SGMS1: variants seen among roughly 807,000 people sequenced by gnomAD.
SGMS1 encodes sphingomyelin synthase 1, also known as phosphatidylcholine:ceramide cholinephosphotransferase 1.
Under a neutral mutation model 46.2 loss-of-function variants are expected in SGMS1, and 13 were observed. The ratio of observed to expected loss-of-function variants is 0.28; its 90% CI spans 0.18 to 0.45. SGMS1 has a LOEUF of 0.45. Among genes scored for constraint, SGMS1 ranks in the 20% least tolerant of loss-of-function variants. The probability of loss-of-function intolerance (pLI) is 1.00; values close to 1 mark genes in which losing one functional copy is unlikely to be tolerated. For missense variants in SGMS1, 324 were observed against 519.9 expected, an observed-to-expected ratio of 0.62 and a Z score of 3.66; for synonymous variants, 203 against 187.8, an observed-to-expected ratio of 1.08 and a Z score of -0.66.
intron 1 of SGMS1, among the ~76,000 whole-genome samples, chr10:50,615,118 G>C (rs377113853): frequency 6.6e-6 from 1 of 152,190 alleles, no homozygotes; most frequent in African/African-American, 2.4e-5. Flanking sequence ...ATCCAGGAAT[G>C]ACAGAGAATG....
intron 8 of SGMS1, 120 bp from the exon 9 acceptor site, chr10:50,311,535 A>G: frequency 4.0e-6 from 3 of 746,084 alleles, no homozygotes; most frequent in South Asian, 2.2e-5. Flanking sequence ...AATCCCCACC[A>G]GGAAGTTTGC....
At chr10:50,533,977 G>A (rs2983355) in intron 2 of SGMS1, among the ~76,000 whole-genome samples, 1 of 152,106 alleles carries the variant, frequency 6.6e-6, no homozygotes, top group Non-Finnish European at 1.5e-5. Context: ...TTGAGCCCAG[G>A]AGTTCAAGTC....
chr10:50,400,390 T>A (rs1848914916), intron 6 of SGMS1, among the ~76,000 whole-genome samples: 1 of 68,078 alleles, frequency 1.5e-5, no homozygotes, highest in South Asian at 5.0e-4. Context: ...ATAGAACACA[T>A]CCTGGCATAT....
At chr10:50,479,966 C>T (rs1328316864) in intron 3 of SGMS1, among the ~76,000 whole-genome samples, 7 of 152,046 alleles carry the variant, frequency 4.6e-5, no homozygotes, top group Non-Finnish European at 1.0e-4. Flanking sequence ...ATTTAAAGGG[C>T]TCTAATTAGG....
chr10:50,465,890 T>C (rs529532126), intron 4 of SGMS1, among the ~76,000 whole-genome samples: 8 of 150,684 alleles, frequency 5.3e-5, no homozygotes, highest in Admixed American at 5.3e-4. Flanking sequence ...GGAGGCAGAA[T>C]GACTTGAGAC....
At chr10:50,434,560 C>A (rs144591101) in intron 5 of SGMS1, among the ~76,000 whole-genome samples, 2 of 151,914 alleles carry the variant, frequency 1.3e-5, no homozygotes, top group Non-Finnish European at 2.9e-5. Context: ...AGGGACAGGG[C>A]GGTGTTACGG....
intron 1 of SGMS1, among the ~76,000 whole-genome samples, chr10:50,620,018 G>A (rs536345804): frequency 1.3e-5 from 2 of 152,230 alleles, no homozygotes; most frequent in Admixed American, 6.5e-5. Flanking sequence ...GGAGGACTGG[G>A]AGAACAGCAA....
chr10:50,450,115 G>A (rs1837088114), intron 5 of SGMS1, among the ~76,000 whole-genome samples: 1 of 152,086 alleles, frequency 6.6e-6, no homozygotes. Context: ...CAGTGTCAGA[G>A]ATGACACAAG....
chr10:50,617,438 C>T (rs1458429119), intron 1 of SGMS1, among the ~76,000 whole-genome samples: 1 of 152,104 alleles, frequency 6.6e-6, no homozygotes, highest in African/African-American at 2.4e-5. Context: ...CAAAGGGGCC[C>T]AAGGGCAATT....
At chr10:50,409,791 A>G (rs1298821728) in intron 6 of SGMS1, among the ~76,000 whole-genome samples, 1 of 152,232 alleles carries the variant, frequency 6.6e-6, no homozygotes, top group Non-Finnish European at 1.5e-5. Context: ...CTTTCAATAT[A>G]TCAACGGGAA....
Position 50,421,246 on chromosome 10 carries a change from C to G in SGMS1, c.-232+12230G>C, listed in dbSNP as rs534976491. On this transcript the variant is annotated intron_variant, in intron 6 of 10. Transcript: ENST00000361781. ...CCTCTGCAACCCCGATCTTAAAAACCCTCTGCCAAATAACCCGCTGGTCCA... is the reference window on the plus strand; with the variant it reads ...CCTCTGCAACCCCGATCTTAAAAACGCTCTGCCAAATAACCCGCTGGTCCA... Among the ~76,000 whole-genome samples the G allele has an allele frequency of 7.2e-5, 11 of 152,318 alleles. No homozygotes were observed. In the South Asian group the frequency reaches 2.1e-3, roughly 29 times the overall value.
intron 3 of SGMS1, among the ~76,000 whole-genome samples, chr10:50,488,817 T>C (rs767351695): frequency 2.6e-4 from 39 of 152,160 alleles, no homozygotes; most frequent in Non-Finnish European, 4.6e-4. Context: ...CCAGGATAAT[T>C]GAGGTTTTTC....
intron 6 of SGMS1, among the ~76,000 whole-genome samples, chr10:50,352,138 A>C (rs938619481): frequency 1.3e-5 from 2 of 152,188 alleles, no homozygotes; most frequent in Admixed American, 1.3e-4. Context: ...ACTGATGCTG[A>C]AATTGTGCAA....
chr10:50,401,101 C>T (rs1028239496), intron 6 of SGMS1, among the ~76,000 whole-genome samples: 3 of 152,188 alleles, frequency 2.0e-5, no homozygotes, highest in Non-Finnish European at 2.9e-5. Flanking sequence ...AATTATCTGA[C>T]ACTTGAGCCA....
chr10:50,551,154 T>G (rs1017799511), intron 2 of SGMS1, among the ~76,000 whole-genome samples: 12 of 151,944 alleles, frequency 7.9e-5, no homozygotes, highest in Middle Eastern at 3.2e-3. Context: ...TGCCAAACAC[T>G]AGCTCAGCTT....
At chr10:50,311,943 T>C (rs1380683148) in intron 8 of SGMS1, among the ~76,000 whole-genome samples, 1 of 152,204 alleles carries the variant, frequency 6.6e-6, no homozygotes, top group East Asian at 1.9e-4. Flanking sequence ...GGGATGTGCC[T>C]TTAATCTTCT....
intron 2 of SGMS1, among the ~76,000 whole-genome samples, chr10:50,558,151 A>G (rs1838203970): frequency 6.6e-6 from 1 of 152,202 alleles, no homozygotes; most frequent in Non-Finnish European, 1.5e-5. Context: ...TCCTGGCTGC[A>G]GCTGTATGCT....
At chr10:50,611,012 A>G (rs1205385689) in intron 1 of SGMS1, among the ~76,000 whole-genome samples, 1 of 152,156 alleles carries the variant, frequency 6.6e-6, no homozygotes, top group Non-Finnish European at 1.5e-5. Flanking sequence ...ACTAATAGCC[A>G]GGGGAATAAT....
At chr10:50,347,575 G>GC (rs1308167230) in intron 6 of SGMS1, among the ~76,000 whole-genome samples, 1 of 152,174 alleles carries the variant, frequency 6.6e-6, no homozygotes, top group East Asian at 1.9e-4. Flanking sequence ...AACACTCTCA[G>GC]CAGAGTTAGG....
Sources: gnomAD v4.1 joint callset for allele counts (sites outside exome capture counted in the v4.1 genomes callset) on GRCh38, gnomAD v4.1.1 for gene constraint, MANE v1.5 for transcripts, NCBI Gene and HGNC (gene_info 2026-07-23, HGNC 2026-07-21) for gene names.